NRG1: variants seen among roughly 807,000 people sequenced by gnomAD.
The protein encoded by NRG1 is pro-neuregulin-1, membrane-bound isoform.
Under a neutral mutation model 63.8 loss-of-function variants are expected in NRG1, and 18 were observed. The observed-to-expected ratio is 0.28, with a 90% confidence interval of 0.19 to 0.42. NRG1 has a LOEUF of 0.42. Ranked by LOEUF, NRG1 falls within the 10% of genes least tolerant of loss-of-function variation. The probability of loss-of-function intolerance (pLI) is 1.00; values close to 1 mark genes in which losing one functional copy is unlikely to be tolerated. For missense variants in NRG1, 762 were observed against 814.7 expected, an observed-to-expected ratio of 0.94 and a Z score of 0.79; for synonymous variants, 302 against 301.3, an observed-to-expected ratio of 1.00 and a Z score of -0.02.
exon 6 of NRG1, chr8:32,728,043 G>A: frequency 1.2e-6 from 2 of 1,614,072 alleles, no homozygotes; most frequent in Non-Finnish European, 1.7e-6. Flanking sequence ...GCTTCATGGT[G>A]AAAGACCTTT....
At chr8:32,546,141 A>G (rs1296345471), upstream of NRG1, among the ~76,000 whole-genome samples, 2 of 152,178 alleles carry the variant, frequency 1.3e-5, no homozygotes, top group African/African-American at 4.8e-5. Context: ...CTACCTCTTC[A>G]GGTTCATTCA....
intron 1 of NRG1, among the ~76,000 whole-genome samples, chr8:32,508,555 C>T (rs1828815740): frequency 6.6e-6 from 1 of 152,036 alleles, no homozygotes; most frequent in Non-Finnish European, 1.5e-5. Context: ...CCTCAGCCTC[C>T]CAAAGTTCTG....
At chr8:32,196,749 G>T (rs1375803772) in intron 1 of NRG1, among the ~76,000 whole-genome samples, 1 of 151,990 alleles carries the variant, frequency 6.6e-6, no homozygotes, top group East Asian at 1.9e-4. Context: ...GGGTTGTTAA[G>T]TAGTATGTCT....
chr8:31,663,563 G>A (rs1806221190), intron 1 of NRG1, among the ~76,000 whole-genome samples: 2 of 152,124 alleles, frequency 1.3e-5, no homozygotes, highest in Admixed American at 1.3e-4. Context: ...ACTTCTGTGG[G>A]TGTCCTACTG....
chr8:32,602,073 T>G (rs1345244758), intron 2 of NRG1, among the ~76,000 whole-genome samples: 1 of 152,138 alleles, frequency 6.6e-6, no homozygotes, highest in African/African-American at 2.4e-5. Flanking sequence ...CTTGGCCCAT[T>G]GATGTTCTGT....
chr8:31,764,126 T>C (rs1487833893), intron 1 of NRG1, among the ~76,000 whole-genome samples: 2 of 152,128 alleles, frequency 1.3e-5, no homozygotes, highest in African/African-American at 4.8e-5. Flanking sequence ...CTGAGATTAG[T>C]CTTGCCTCTT....
At chr8:31,921,255 C>T (rs1262615736) in intron 1 of NRG1, among the ~76,000 whole-genome samples, 1 of 152,008 alleles carries the variant, frequency 6.6e-6, no homozygotes, top group Non-Finnish European at 1.5e-5. Context: ...AACAGATAAC[C>T]AATCAAATTT....
At chr8:32,449,413 TAAA>T (rs79338341) in intron 1 of NRG1, among the ~76,000 whole-genome samples, 2 of 142,124 alleles carry the variant, frequency 1.4e-5, no homozygotes. Flanking sequence ...CTCTCCAGCC[TAAA>T]AAAAAAAAAG....
intron 1 of NRG1, among the ~76,000 whole-genome samples, chr8:32,040,836 G>T (rs1819913383): frequency 7.4e-6 from 1 of 134,754 alleles, no homozygotes. Context: ...TTTCAGAGAT[G>T]GATTATTTTA....
At chr8:32,494,255 C>A (rs1259236157) in intron 1 of NRG1, among the ~76,000 whole-genome samples, 1 of 152,120 alleles carries the variant, frequency 6.6e-6, no homozygotes, top group South Asian at 2.1e-4. Context: ...TTGGAAACTA[C>A]CAGGGACTAT....
intron 1 of NRG1, among the ~76,000 whole-genome samples, chr8:32,234,208 A>G (rs549109050): frequency 6.3e-4 from 96 of 152,298 alleles, no homozygotes; most frequent in Admixed American, 2.6e-3. Context: ...TCCTACCTTT[A>G]TGTACATTTA....
At chr8:31,751,557 AT>A (rs1402456399) in intron 1 of NRG1, among the ~76,000 whole-genome samples, 1 of 151,930 alleles carries the variant, frequency 6.6e-6, no homozygotes, top group Non-Finnish European at 1.5e-5. Flanking sequence ...ATTTTAAGGA[AT>A]TTTAAGCAAT....
intron 1 of NRG1, among the ~76,000 whole-genome samples, chr8:31,865,958 G>A (rs1376689815): frequency 6.6e-6 from 1 of 152,142 alleles, no homozygotes; most frequent in Admixed American, 6.5e-5. Context: ...TCCACGTTGA[G>A]GGAGCCATAT....
chr8:32,059,974 T>C (rs1160756616), intron 1 of NRG1, among the ~76,000 whole-genome samples: 1 of 151,992 alleles, frequency 6.6e-6, no homozygotes, highest in Non-Finnish European at 1.5e-5. Flanking sequence ...TTACTGTGTT[T>C]ACTCCCTCTA....
intron 1 of NRG1, among the ~76,000 whole-genome samples, chr8:31,911,804 C>T (rs1832966998): frequency 1.3e-5 from 2 of 152,106 alleles, no homozygotes; most frequent in South Asian, 4.1e-4. Context: ...TATATTTAGA[C>T]AGGGAATGGG....
intron 1 of NRG1, among the ~76,000 whole-genome samples, chr8:31,885,597 A>G (rs2062055): frequency 0.31 from 47,751 of 152,016 alleles, 8,505 homozygotes; most frequent in East Asian, 0.74. Context: ...CACTCTCATC[A>G]CATATATTGG....
chr8:31,645,306 T>G (rs2130850830), intron 1 of NRG1, among the ~76,000 whole-genome samples: 1 of 152,366 alleles, frequency 6.6e-6, no homozygotes, highest in South Asian at 2.1e-4. Context: ...GAATTATTTG[T>G]GGATTTACAG....
At chr8:31,734,196 C>T (rs1409369381) in intron 1 of NRG1, among the ~76,000 whole-genome samples, 3 of 152,082 alleles carry the variant, frequency 2.0e-5, no homozygotes, top group Non-Finnish European at 2.9e-5. Context: ...CATGGTGGCG[C>T]GTACCTATAG....
chr8:32,492,004 T>C (rs1316881684), intron 1 of NRG1, among the ~76,000 whole-genome samples: 1 of 152,146 alleles, frequency 6.6e-6, no homozygotes, highest in East Asian at 1.9e-4. Flanking sequence ...GAAATATCAG[T>C]ATAGAATATC....
Sources: gnomAD v4.1 joint callset for allele counts (sites outside exome capture counted in the v4.1 genomes callset) on GRCh38, gnomAD v4.1.1 for gene constraint, MANE v1.5 for transcripts, NCBI Gene and HGNC (gene_info 2026-07-23, HGNC 2026-07-21) for gene names.